DLG2: variants seen among roughly 807,000 people sequenced by gnomAD.
DLG2 encodes the protein discs large MAGUK scaffold protein 2.
DLG2 carries 45 observed loss-of-function variants against 132.5 expected under a neutral mutation model. The ratio of observed to expected loss-of-function variants is 0.34; its 90% CI spans 0.27 to 0.44. The LOEUF (loss-of-function observed/expected upper bound fraction) is 0.44, where lower values mean the gene tolerates loss of function less well. Ranked by LOEUF, DLG2 falls within the 20% of genes least tolerant of loss-of-function variation. DLG2 has a pLI of 1.00. For synonymous variants in DLG2, 424 were observed against 419.6 expected, an observed-to-expected ratio of 1.01 and a Z score of -0.13; for missense variants, 1,045 against 1,196.9, an observed-to-expected ratio of 0.87 and a Z score of 1.87.
intron 4 of DLG2, among the ~76,000 whole-genome samples, chr11:85,167,865 T>G (rs1236981160): frequency 2.0e-5 from 3 of 152,132 alleles, no homozygotes; most frequent in Admixed American, 6.6e-5. Flanking sequence ...CCTACACTTT[T>G]ATTTTACAGA....
intron 11 of DLG2, among the ~76,000 whole-genome samples, chr11:83,998,408 C>A (rs2094162563): frequency 6.6e-6 from 1 of 152,162 alleles, no homozygotes; most frequent in Non-Finnish European, 1.5e-5. Context: ...TAGATAATCA[C>A]ACTTCGTATA....
At chr11:84,998,342 C>T (rs183787724) in intron 6 of DLG2, among the ~76,000 whole-genome samples, 19 of 152,104 alleles carry the variant, frequency 1.2e-4, no homozygotes, top group African/African-American at 3.6e-4. Context: ...TATAAGCATC[C>T]GACATTTCCC....
chr11:84,412,184 T>C (rs1015793166), intron 7 of DLG2, among the ~76,000 whole-genome samples: 5 of 151,862 alleles, frequency 3.3e-5, no homozygotes, highest in Admixed American at 1.3e-4. Flanking sequence ...TCAGCAAAAA[T>C]TGAAACTCTA....
intron 4 of DLG2, among the ~76,000 whole-genome samples, chr11:85,163,834 C>T (rs2078226264): frequency 6.6e-6 from 1 of 152,126 alleles, no homozygotes; most frequent in African/African-American, 2.4e-5. Flanking sequence ...TTCCTCTACC[C>T]TCCTACATTC....
intron 9 of DLG2, among the ~76,000 whole-genome samples, chr11:84,115,600 A>G (rs995599407): frequency 2.0e-5 from 3 of 152,094 alleles, no homozygotes; most frequent in Non-Finnish European, 4.4e-5. Flanking sequence ...GTCCTCCAAC[A>G]TTTCAAGTTT....
rs113498987 is a variant in DLG2, at chr11:83,731,509, G to A, written c.1825+55181C>T. 6.0e-3 allele frequency among the ~76,000 whole-genome samples: 916 copies of A among 152,218 alleles called. 5 individuals are homozygous for A. The highest frequency in any genetic ancestry group is 0.019 in the African/African-American group (784 of 41,526). On this transcript the variant is annotated intron_variant, in intron 18 of 27. Coordinates refer to ENST00000376104, the MANE Select transcript of DLG2 (RefSeq NM_001142699.3). ...GTGCATAGTATTCCATGGTGTATAC[G>A]TACCACATTTCTTTATCCAGTCTAT... is the stretch of plus-strand genomic sequence containing the variant.
intron 3 of DLG2, among the ~76,000 whole-genome samples, chr11:85,330,792 T>TAAAAAAAAAAAAAAA (rs56995757): frequency 8.6e-5 from 10 of 116,462 alleles, no homozygotes; most frequent in East Asian, 5.1e-4. Context: ...AAAAAAAAAT[T>TAAAAAAAAAAAAAAA]AAAAAAAAAA....
chr11:84,596,505 G>A (rs1446719777), intron 6 of DLG2, among the ~76,000 whole-genome samples: 3 of 151,078 alleles, frequency 2.0e-5, no homozygotes, highest in African/African-American at 7.3e-5. Flanking sequence ...TTATAGGCTT[G>A]AGCTATTGCA....
chr11:84,170,716 C>T (rs376882109), intron 8 of DLG2, among the ~76,000 whole-genome samples: 3 of 152,158 alleles, frequency 2.0e-5, no homozygotes, highest in East Asian at 1.9e-4. Flanking sequence ...GAGTCTGATG[C>T]TTGCATTGTA....
intron 6 of DLG2, among the ~76,000 whole-genome samples, chr11:84,819,258 T>C (rs1426803403): frequency 6.6e-6 from 1 of 151,928 alleles, no homozygotes; most frequent in Non-Finnish European, 1.5e-5. Context: ...ATGTTTCTGT[T>C]ATATAAAGCT....
chr11:84,236,940 T>C (rs1411155832), intron 8 of DLG2, among the ~76,000 whole-genome samples: 1 of 151,400 alleles, frequency 6.6e-6, no homozygotes, highest in Middle Eastern at 3.2e-3. Flanking sequence ...TTTTTGTTTT[T>C]TTTTTTGAGA....
chr11:84,790,869 C>G (rs986461170), intron 6 of DLG2, among the ~76,000 whole-genome samples: 8 of 152,190 alleles, frequency 5.3e-5, no homozygotes, highest in Admixed American at 3.3e-4. Context: ...ATGTTCTTGG[C>G]ACCTTTGTTG....
At chr11:83,528,964 T>C (rs775669960) in intron 21 of DLG2, among the ~76,000 whole-genome samples, 86 of 152,160 alleles carry the variant, frequency 5.7e-4, no homozygotes, top group Non-Finnish European at 1.0e-3. Flanking sequence ...TGGTTATTCC[T>C]GCAACCTTTA....
intron 6 of DLG2, among the ~76,000 whole-genome samples, chr11:84,763,935 G>A (rs1304444501): frequency 6.6e-6 from 1 of 152,000 alleles, no homozygotes; most frequent in Admixed American, 6.6e-5. Flanking sequence ...AAAAGCCAGG[G>A]GAGATTTTTA....
At chr11:84,240,419 T>C (rs2097211299) in intron 8 of DLG2, among the ~76,000 whole-genome samples, 1 of 152,264 alleles carries the variant, frequency 6.6e-6, no homozygotes, top group Non-Finnish European at 1.5e-5. Flanking sequence ...AGGTAGTTTT[T>C]ATTGTCTCTC....
intron 6 of DLG2, among the ~76,000 whole-genome samples, chr11:85,048,076 A>G (rs2062527851): frequency 6.6e-6 from 1 of 151,908 alleles, no homozygotes; most frequent in Non-Finnish European, 1.5e-5. Context: ...CTCAGCTTTG[A>G]TAGTATCTTG....
chr11:83,535,687 G>A (rs980807611), intron 20 of DLG2, among the ~76,000 whole-genome samples: 2 of 152,016 alleles, frequency 1.3e-5, no homozygotes, highest in Admixed American at 6.6e-5. Flanking sequence ...CCATATGGAG[G>A]TCACATACTT....
chr11:84,830,370 G>GTTTTTTTTTTT (rs1367498436), intron 6 of DLG2, among the ~76,000 whole-genome samples: 1 of 141,972 alleles, frequency 7.0e-6, no homozygotes, highest in African/African-American at 2.6e-5. Context: ...CGTCATCTAC[G>GTTTTTTTTTTT]TTTTTTTTTT....
chr11:84,174,201 C>T (rs2095892964), intron 8 of DLG2, among the ~76,000 whole-genome samples: 1 of 151,600 alleles, frequency 6.6e-6, no homozygotes, highest in African/African-American at 2.4e-5. Flanking sequence ...TCAATTCCCG[C>T]CATCCTATTT....
Sources: allele counts gnomAD v4.1 joint callset (sites outside exome capture counted in the v4.1 genomes callset), GRCh38; gene constraint gnomAD v4.1.1; transcripts MANE v1.5; gene names NCBI Gene and HGNC (gene_info 2026-07-23, HGNC 2026-07-21).